LYST: variants seen among roughly 807,000 people sequenced by gnomAD.
LYST encodes lysosomal trafficking regulator, also known as lysosomal-trafficking regulator.
LYST carries 192 observed loss-of-function variants against 413.6 expected under a neutral mutation model. That is an observed-to-expected ratio of 0.46 (90% CI 0.41 to 0.52). The LOEUF (loss-of-function observed/expected upper bound fraction) is 0.52. Among genes scored for constraint, LYST ranks in the 20% least tolerant of loss-of-function variants. LYST has a pLI of 0.00. For missense variants in LYST, 3,815 were observed against 4,499.9 expected (o/e 0.85, Z 4.35); for synonymous variants, 1,525 against 1,567.3 (o/e 0.97, Z 0.64).
intron 10 of LYST, among the ~76,000 whole-genome samples, chr1:235,795,942 T>C (rs1671509244): frequency 6.6e-6 from 1 of 152,060 alleles, no homozygotes; most frequent in Non-Finnish European, 1.5e-5. Flanking sequence ...TATATCCTTA[T>C]ATGAAAAAGA....
At chr1:235,727,991 CT>C (rs1282340187) in intron 38 of LYST, 84 bp downstream of exon 38, 2 of 970,394 alleles carry the variant, frequency 2.1e-6, no homozygotes, top group Non-Finnish European at 3.4e-6. Context: ...TCTAATAGTT[CT>C]TCCTTCTCTC....
intron 22 of LYST, among the ~76,000 whole-genome samples, chr1:235,761,437 T>C (rs1043544376): frequency 2.0e-5 from 3 of 152,206 alleles, no homozygotes; most frequent in Non-Finnish European, 2.9e-5. Flanking sequence ...AAAGTAGCGA[T>C]GAGACTCTGT....
chr1:235,776,817 T>G (rs1472072145), intron 17 of LYST, among the ~76,000 whole-genome samples: 2 of 152,096 alleles, frequency 1.3e-5, no homozygotes, highest in Non-Finnish European at 2.9e-5. Flanking sequence ...TCTTGTACAT[T>G]TAACATTTAA....
intron 20 of LYST, among the ~76,000 whole-genome samples, chr1:235,768,439 A>C (rs2103406822): frequency 6.6e-6 from 1 of 152,190 alleles, no homozygotes; most frequent in East Asian, 1.9e-4. Flanking sequence ...CAATTTATTA[A>C]TCTTCCTAAA....
chr1:235,787,798 G>C (rs1248687556), intron 13 of LYST, among the ~76,000 whole-genome samples: 1 of 152,032 alleles, frequency 6.6e-6, no homozygotes, highest in Non-Finnish European at 1.5e-5. Flanking sequence ...TGTACATAAG[G>C]CACCTAGTAA....
At chr1:235,826,969 T>C (rs766253474) in intron 3 of LYST, among the ~76,000 whole-genome samples, 1 of 151,958 alleles carries the variant, frequency 6.6e-6, no homozygotes, top group Admixed American at 6.6e-5. Flanking sequence ...TGATGTGAGG[T>C]GTATTTGTCA....
At chr1:235,820,893 C>T (rs920030723) in intron 3 of LYST, among the ~76,000 whole-genome samples, 9 of 152,128 alleles carry the variant, frequency 5.9e-5, no homozygotes, top group Admixed American at 3.3e-4. Flanking sequence ...TCTTTTCTAG[C>T]TGTATAGCTG....
chr1:235,768,653 AC>A (rs1668364971), intron 20 of LYST, among the ~76,000 whole-genome samples: 1 of 152,118 alleles, frequency 6.6e-6, no homozygotes, highest in Non-Finnish European at 1.5e-5. Context: ...TGTAAATAAT[AC>A]AAAAGTGAAA....
Position 235,792,105 on chromosome 1 carries a change from A to C in LYST, c.4137T>G (p.Ile1379Met). 1 of 1,610,626 alleles carries C rather than the reference A, an allele frequency of 6.2e-7. No individual in the cohort carries two copies. The highest frequency in any genetic ancestry group is 8.5e-7 in the Non-Finnish European group (1 of 1,177,174). The stretch of plus-strand genomic sequence containing the variant: ...TAGTATCACTTTCAATAATTTTCAG[A>C]ATACCCAGAAGAAGAATTTTCTAGA... ...SPCTKILLLG[I>M]LKIIESDTTM... The change falls in exon 12 of 53, where the codon ATT becomes ATG. Residue 1379 changes from isoleucine (I) to methionine (M), a missense_variant. By Grantham distance (10) the Ile-to-Met change is conservative (BLOSUM62 1). Transcript: ENST00000389793.
chr1:235,716,763 A>G lies in LYST; in HGVS notation c.9576T>C (p.Pro3192=). The G allele has an allele frequency of 6.3e-7, 1 of 1,583,460 alleles. No homozygotes were observed. The highest frequency in any genetic ancestry group is 8.7e-7 in the Non-Finnish European group (1 of 1,152,608). Residue 3192 remains proline (P), a synonymous_variant, in exon 41 of 53, where the codon CCT becomes CCC. Coordinates refer to ENST00000389793, the MANE Select transcript of LYST (RefSeq NM_000081.4). ...CTTTTTCTTTATACTGAACAGCTAT[A>G]GGTTTAGAGAGATTTCTGCAAGAAA... ...DLLIYRNLSK[P]IAVQYKEKED...
At chr1:235,728,262 CAA>C in intron 37 of LYST, 131 bp from the exon 38 acceptor site, 1 of 686,128 alleles carries the variant, frequency 1.5e-6, no homozygotes, top group Admixed American at 2.1e-5. Flanking sequence ...TCCTGGCACT[CAA>C]TAAATATTTT....
intron 1 of LYST, among the ~76,000 whole-genome samples, chr1:235,859,623 C>T (rs929748609): frequency 3.3e-5 from 5 of 152,024 alleles, no homozygotes; most frequent in Admixed American, 2.6e-4. Context: ...CTCCTCCACC[C>T]GTATTTTTTA....
intron 1 of LYST, among the ~76,000 whole-genome samples, chr1:235,855,199 A>G (rs1679029815): frequency 6.6e-6 from 1 of 152,192 alleles, no homozygotes; most frequent in Non-Finnish European, 1.5e-5. Context: ...TTCTTAAGAA[A>G]GGAAACCAGA....
chr1:235,755,399 A>AAAAGAAAAGAAAAGAAAAG (rs1367735640), intron 25 of LYST, 79 bp downstream of exon 25: 3 of 1,155,180 alleles, frequency 2.6e-6, no homozygotes, highest in African/African-American at 4.7e-5. Flanking sequence ...AAAAGAAAAG[A>AAAAGAAAAGAAAAGAAAAG]AAAGAAAAGA....
intron 6 of LYST, 85 bp downstream of exon 6, chr1:235,805,658 A>G (rs984895283): frequency 3.4e-6 from 2 of 581,924 alleles, no homozygotes; most frequent in Non-Finnish European, 5.6e-6. Flanking sequence ...TATGTAATAC[A>G]TATTACATTT....
At chr1:235,755,445 T>C in intron 25 of LYST, 33 bp downstream of exon 25, 6 of 1,510,438 alleles carry the variant, frequency 4.0e-6, no homozygotes, top group Non-Finnish European at 5.5e-6. Flanking sequence ...GACAAAAGAT[T>C]CCCAATTATA....
intron 19 of LYST, among the ~76,000 whole-genome samples, chr1:235,771,523 A>G (rs965537891): frequency 3.3e-5 from 5 of 152,012 alleles, no homozygotes; most frequent in African/African-American, 4.8e-5. Flanking sequence ...TTTTGATCCA[A>G]TTTGTTTACA....
At chr1:235,703,192 T>C (rs1265472454) in intron 44 of LYST, among the ~76,000 whole-genome samples, 2 of 152,364 alleles carry the variant, frequency 1.3e-5, no homozygotes, top group South Asian at 2.1e-4. Flanking sequence ...CTGATGGTTA[T>C]AATTAGTTAT....
At chr1:235,787,426 G>T (rs1670539382) in intron 13 of LYST, 53 bp from the exon 14 acceptor site, 2 of 1,349,870 alleles carry the variant, frequency 1.5e-6, no homozygotes, top group African/African-American at 1.4e-5. Flanking sequence ...TCTGACCTCA[G>T]TGTTTAACAT....
Sources: gnomAD v4.1 joint callset for allele counts (sites outside exome capture counted in the v4.1 genomes callset) on GRCh38, gnomAD v4.1.1 for gene constraint, MANE v1.5 for transcripts, NCBI Gene and HGNC (gene_info 2026-07-23, HGNC 2026-07-21) for gene names.